The following TNPO3 variants were observed in gnomAD, a reference collection of about 807,000 sequenced individuals.
TNPO3 encodes transportin-3.
Under a neutral mutation model 122.8 loss-of-function variants are expected in TNPO3, and 65 were observed. That is an observed-to-expected ratio of 0.53 (90% CI 0.43 to 0.65). The LOEUF (loss-of-function observed/expected upper bound fraction) is 0.65, where lower values mean the gene tolerates loss of function less well. TNPO3 is among the 30% of genes least tolerant of loss of function. The probability of loss-of-function intolerance (pLI) is 0.00; values close to 1 mark genes in which losing one functional copy is unlikely to be tolerated. For synonymous variants in TNPO3, 372 were observed against 411.2 expected (o/e 0.90, Z 1.15); for missense variants, 850 against 1,136.7 (o/e 0.75, Z 3.63).
chr7:129,025,383 A>C (rs937546630), intron 1 of TNPO3, among the ~76,000 whole-genome samples: 53 of 140,514 alleles, frequency 3.8e-4, no homozygotes, highest in South Asian at 3.7e-3. Flanking sequence ...AAAAAAAAAA[A>C]AAAAAAAAAA....
At chr7:128,962,096 TG>T (rs1452119607) in intron 21 of TNPO3, among the ~76,000 whole-genome samples, 2 of 152,140 alleles carry the variant, frequency 1.3e-5, no homozygotes, top group Non-Finnish European at 2.9e-5. Context: ...CCAGGCGCGG[TG>T]GCTCACACCT....
intron 1 of TNPO3, among the ~76,000 whole-genome samples, chr7:129,053,514 A>G (rs1056344720): frequency 1.3e-5 from 2 of 149,788 alleles, no homozygotes; most frequent in African/African-American, 5.0e-5. Context: ...AAAAAAAAAA[A>G]GGCAAAGTTG....
intron 4 of TNPO3, 105 bp downstream of exon 4, chr7:129,014,874 T>A: frequency 8.8e-7 from 1 of 1,141,944 alleles, no homozygotes; most frequent in Non-Finnish European, 1.2e-6. Flanking sequence ...GCATCATCAT[T>A]AAATTTTGCA....
In TNPO3 at chr7:128,970,460, G is replaced by A. The variant is rs977287807; in HGVS notation, c.2431-145C>T. On this transcript the variant is annotated intron_variant, in intron 19 of 22. Transcript: ENST00000265388. ...TGGCTGTGTGTGTGTGTATGCAGGT[G>A]TGTGTAAAATGACAGCTGGATTCAC... The A allele has an allele frequency of 1.4e-5, 9 of 650,518 alleles. No homozygotes were observed. The Admixed American group carries it at 2.4e-4, about 17-fold the overall frequency. 40.3% of individuals were successfully genotyped at this position (650,518 alleles called of 1,614,324 possible). A position where few individuals can be genotyped will look rare whatever the true frequency, so the allele number is the denominator to read the frequency against.
At chr7:129,024,190 A>G (rs1402154429) in intron 1 of TNPO3, among the ~76,000 whole-genome samples, 1 of 152,216 alleles carries the variant, frequency 6.6e-6, no homozygotes, top group Non-Finnish European at 1.5e-5. Flanking sequence ...GAGGAAAGCC[A>G]CTGCCTGTGA....
At chr7:128,959,293 G>A (rs567951808) in intron 21 of TNPO3, among the ~76,000 whole-genome samples, 6 of 152,306 alleles carry the variant, frequency 3.9e-5, no homozygotes, top group Admixed American at 2.0e-4. Flanking sequence ...GCTGGAGACC[G>A]AGATTTTTTT....
At chr7:129,056,032 G>A, upstream of TNPO3, 1 of 1,119,760 alleles carries the variant, frequency 8.9e-7, no homozygotes, top group Admixed American at 1.9e-5. Context: ...GCGCCCTCCA[G>A]GAAGTTCTTC....
chr7:128,977,880 G>A (rs757685981), intron 16 of TNPO3, among the ~76,000 whole-genome samples: 21 of 152,078 alleles, frequency 1.4e-4, no homozygotes, highest in Non-Finnish European at 2.5e-4. Flanking sequence ...ACAGGCGTGA[G>A]GCACTGCACC....
chr7:129,049,806 G>C (rs1364320047), intron 1 of TNPO3, among the ~76,000 whole-genome samples: 1 of 152,182 alleles, frequency 6.6e-6, no homozygotes. Flanking sequence ...CTGGGGGTGG[G>C]GAGGGAGGAT....
chr7:128,979,431 A>G (rs2129004066), intron 15 of TNPO3, among the ~76,000 whole-genome samples: 1 of 152,342 alleles, frequency 6.6e-6, no homozygotes, highest in South Asian at 2.1e-4. Context: ...TACGAGCTAT[A>G]TAGGAAGAGA....
At chr7:128,984,123 G>A in intron 13 of TNPO3, 45 bp downstream of exon 13, 2 of 1,261,938 alleles carry the variant, frequency 1.6e-6, no homozygotes, top group South Asian at 1.5e-5. Flanking sequence ...TTTTTAACAT[G>A]TAAACATCTT....
chr7:129,015,167 T>A, intron 3 of TNPO3, 32 bp from the exon 4 acceptor site: 1 of 1,595,462 alleles, frequency 6.3e-7, no homozygotes, highest in East Asian at 2.3e-5. Context: ...ATATGTTATT[T>A]ATAGCCAGAA....
intron 1 of TNPO3, among the ~76,000 whole-genome samples, chr7:129,046,843 T>C (rs1808113410): frequency 6.6e-6 from 1 of 152,056 alleles, no homozygotes; most frequent in Non-Finnish European, 1.5e-5. Context: ...TATAAAACCA[T>C]CAGAACTTGT....
intron 1 of TNPO3, among the ~76,000 whole-genome samples, chr7:129,027,367 CCTGA>C (rs1271673894): frequency 6.6e-6 from 1 of 151,710 alleles, no homozygotes; most frequent in Non-Finnish European, 1.5e-5. Context: ...TTGAGACTAA[CCTGA>C]CTAATATGGT....
intron 21 of TNPO3, among the ~76,000 whole-genome samples, chr7:128,964,177 G>A (rs1419427431): frequency 2.0e-5 from 3 of 151,980 alleles, no homozygotes; most frequent in African/African-American, 4.8e-5. Context: ...TGTATTTGTC[G>A]ATTTGGAGAT....
At chr7:129,028,236 A>G (rs1249859329) in intron 1 of TNPO3, among the ~76,000 whole-genome samples, 1 of 152,240 alleles carries the variant, frequency 6.6e-6, no homozygotes, top group Admixed American at 6.5e-5. Flanking sequence ...AAAATAAAAC[A>G]GAACAAAAAC....
intron 21 of TNPO3, among the ~76,000 whole-genome samples, chr7:128,965,434 G>C (rs1797843210): frequency 6.6e-6 from 1 of 152,172 alleles, no homozygotes; most frequent in African/African-American, 2.4e-5. Flanking sequence ...CAAAAACCCA[G>C]AAAATAACAA....
At chr7:128,985,995 TGATAAG>T (rs1800102480) in intron 12 of TNPO3, among the ~76,000 whole-genome samples, 1 of 152,208 alleles carries the variant, frequency 6.6e-6, no homozygotes, top group Non-Finnish European at 1.5e-5. Flanking sequence ...GATTTACCAG[TGATAAG>T]AATTTCATTA....
chr7:129,008,683 T>C (rs1057085481), intron 4 of TNPO3, among the ~76,000 whole-genome samples: 1 of 152,216 alleles, frequency 6.6e-6, no homozygotes, highest in African/African-American at 2.4e-5. Flanking sequence ...CTAAGTTCCC[T>C]TAACATGAAC....
Sources: gnomAD v4.1 joint callset for allele counts (sites outside exome capture counted in the v4.1 genomes callset) on GRCh38, gnomAD v4.1.1 for gene constraint, MANE v1.5 for transcripts, NCBI Gene and HGNC (gene_info 2026-07-23, HGNC 2026-07-21) for gene names.